Variants in CCDC178 observed in about 807,000 individuals in gnomAD.
CCDC178 encodes the protein coiled-coil domain-containing protein 178.
Under a neutral mutation model 117.4 loss-of-function variants are expected in CCDC178, and 126 were observed. That is an observed-to-expected ratio of 1.07 (90% CI 0.93 to 1.24). The LOEUF is 1.24. CCDC178 is among the 50% of genes most tolerant of loss of function. The pLI is 0.00. For missense variants in CCDC178, 1,030 were observed against 986.9 expected (o/e 1.04, Z -0.59); for synonymous variants, 283 against 313.4 (o/e 0.90, Z 1.02).
intron 22 of CCDC178, among the ~76,000 whole-genome samples, chr18:32,949,903 C>A (rs2054442028): frequency 6.6e-6 from 1 of 152,048 alleles, no homozygotes; most frequent in South Asian, 2.1e-4. Flanking sequence ...TCCTTTTAAG[C>A]CTTGCTTTCA....
At chr18:33,113,608 G>A (rs1238966637) in intron 20 of CCDC178, among the ~76,000 whole-genome samples, 1 of 151,946 alleles carries the variant, frequency 6.6e-6, no homozygotes, top group Non-Finnish European at 1.5e-5. Context: ...AAAATTACAA[G>A]GGTTATAAAT....
chr18:33,395,797 A>C (rs750434489), intron 4 of CCDC178, among the ~76,000 whole-genome samples: 5 of 152,136 alleles, frequency 3.3e-5, no homozygotes, highest in Non-Finnish European at 7.4e-5. Flanking sequence ...CACAAAACAA[A>C]GGTAGACACC....
At position 33,179,086 on chromosome 18, in the gene CCDC178, T is replaced by TAC. The variant is rs2058700053; in HGVS notation, c.2238+32809_2238+32810insGT. On this transcript the variant is annotated intron_variant, in intron 20 of 22. Coordinates refer to ENST00000383096, the MANE Select transcript of CCDC178 (RefSeq NM_001105528.4). Reference sequence around the variant, plus strand: ...AAAAAAAAAAAAAAAAAAATATATATATATATATATATATATATATATAAA... The same window carrying TAC: ...AAAAAAAAAAAAAAAAAAATATATATACATATATATATATATATATATATAAA... Among the ~76,000 whole-genome samples, 6 of 87,144 alleles carry TAC rather than the reference T, an allele frequency of 6.9e-5. No individual in the cohort carries two copies. The South Asian group carries it at 1.7e-3, about 25-fold the overall frequency. The allele number at this position is 87,144 out of a possible 152,430, so 57.2% of individuals were successfully genotyped here. A position where few individuals can be genotyped will look rare whatever the true frequency, so the allele number is the denominator to read the frequency against.
chr18:33,268,368 A>G (rs2059845397), intron 12 of CCDC178, among the ~76,000 whole-genome samples: 1 of 151,918 alleles, frequency 6.6e-6, no homozygotes, highest in African/African-American at 2.4e-5. Flanking sequence ...TCAGTGAGAG[A>G]GAAGTTGTTT....
At chr18:33,218,047 A>G (rs983438108) in intron 18 of CCDC178, among the ~76,000 whole-genome samples, 1 of 152,034 alleles carries the variant, frequency 6.6e-6, no homozygotes. Context: ...ACATGCAGCA[A>G]ATATCTATTA....
chr18:33,118,093 A>G (rs1228048006), intron 20 of CCDC178, among the ~76,000 whole-genome samples: 1 of 152,088 alleles, frequency 6.6e-6, no homozygotes, highest in Admixed American at 6.6e-5. Context: ...AATTCACTCC[A>G]TAGTAAATGA....
At chr18:33,301,580 A>G (rs140410340) in intron 11 of CCDC178, among the ~76,000 whole-genome samples, 1 of 152,348 alleles carries the variant, frequency 6.6e-6, no homozygotes, top group Admixed American at 6.5e-5. Context: ...GGAACTGTCA[A>G]GGTCTTAAAA....
intron 11 of CCDC178, among the ~76,000 whole-genome samples, chr18:33,314,763 A>G (rs1453689419): frequency 6.6e-6 from 1 of 152,190 alleles, no homozygotes; most frequent in Non-Finnish European, 1.5e-5. Flanking sequence ...ATACGAGCCC[A>G]TATCTGGTAA....
chr18:33,353,556 TA>T (rs2063008596), intron 7 of CCDC178, among the ~76,000 whole-genome samples: 1 of 152,092 alleles, frequency 6.6e-6, no homozygotes, highest in Admixed American at 6.6e-5. Context: ...CTGTACTGTC[TA>T]AAATAGAATC....
At chr18:33,091,445 T>A (rs900421381) in intron 21 of CCDC178, among the ~76,000 whole-genome samples, 1 of 147,330 alleles carries the variant, frequency 6.8e-6, no homozygotes, top group Non-Finnish European at 1.5e-5. Flanking sequence ...CAAGTCGTTC[T>A]TTTGCCTCAG....
chr18:33,082,124 A>C (rs1326813008), intron 21 of CCDC178, among the ~76,000 whole-genome samples: 1 of 152,210 alleles, frequency 6.6e-6, no homozygotes, highest in Non-Finnish European at 1.5e-5. Flanking sequence ...GGAACCTCCC[A>C]AAATCAATTA....
At chr18:33,236,258 G>A (rs1568077795) in intron 15 of CCDC178, among the ~76,000 whole-genome samples, 1 of 152,182 alleles carries the variant, frequency 6.6e-6, no homozygotes, top group East Asian at 1.9e-4. Context: ...CTCAGATTTA[G>A]AGTGTTCTAA....
chr18:33,286,131 A>G (rs944196402), intron 12 of CCDC178, among the ~76,000 whole-genome samples: 4 of 151,552 alleles, frequency 2.6e-5, no homozygotes, highest in Admixed American at 2.6e-4. Flanking sequence ...GCACCACCAC[A>G]CTGGGCTAAT....
chr18:32,941,264 A>G (rs2054234075), intron 22 of CCDC178, among the ~76,000 whole-genome samples: 1 of 152,096 alleles, frequency 6.6e-6, no homozygotes, highest in African/African-American at 2.4e-5. Flanking sequence ...TTCAATTACT[A>G]GCTAATTTCT....
intron 12 of CCDC178, among the ~76,000 whole-genome samples, chr18:33,284,162 C>A (rs764673026): frequency 4.6e-5 from 7 of 152,140 alleles, no homozygotes; most frequent in Non-Finnish European, 1.0e-4. Context: ...GAACAGAAAA[C>A]CAAATGCCGC....
chr18:32,958,749 A>G (rs1424994038), intron 22 of CCDC178, among the ~76,000 whole-genome samples: 1 of 152,196 alleles, frequency 6.6e-6, no homozygotes, highest in African/African-American at 2.4e-5. Context: ...TAACTGTCCC[A>G]GCCTGAGACT....
intron 21 of CCDC178, among the ~76,000 whole-genome samples, chr18:33,004,226 T>G (rs1302911138): frequency 6.6e-6 from 1 of 152,026 alleles, no homozygotes; most frequent in Non-Finnish European, 1.5e-5. Flanking sequence ...AGCTATCATG[T>G]GCAAAAAGAA....
At chr18:33,356,221 A>T in intron 7 of CCDC178, 103 bp downstream of exon 7, 5 of 1,191,106 alleles carry the variant, frequency 4.2e-6, no homozygotes, top group Non-Finnish European at 5.7e-6. Context: ...AAAATCTTGC[A>T]TTCGATTTTC....
At chr18:33,397,760 A>G (rs949087850) in intron 3 of CCDC178, among the ~76,000 whole-genome samples, 3 of 152,194 alleles carry the variant, frequency 2.0e-5, no homozygotes, top group Non-Finnish European at 2.9e-5. Flanking sequence ...ATAATACAGC[A>G]TGATTTTTAT....
Sources: gnomAD v4.1 joint callset for allele counts (sites outside exome capture counted in the v4.1 genomes callset) on GRCh38, gnomAD v4.1.1 for gene constraint, MANE v1.5 for transcripts, NCBI Gene and HGNC (gene_info 2026-07-23, HGNC 2026-07-21) for gene names.